The following ARMC9 variants were observed in gnomAD, a reference collection of about 807,000 sequenced individuals.
ARMC9 encodes armadillo repeat containing 9.
A neutral mutation model predicts 107.0 loss-of-function variants in ARMC9; 94 were observed. The observed-to-expected ratio is 0.88, with a 90% CI of 0.74 to 1.04. The LOEUF is 1.04. Ranked by LOEUF, ARMC9 falls within the 50% of genes least tolerant of loss-of-function variation. The pLI is 0.00. For synonymous variants in ARMC9, 380 were observed against 396.9 expected (o/e 0.96, Z 0.51); for missense variants, 942 against 1,030.1 (o/e 0.91, Z 1.17).
At chr2:231,312,533 C>G (rs1164328358) in intron 19 of ARMC9, among the ~76,000 whole-genome samples, 1 of 151,790 alleles carries the variant, frequency 6.6e-6, no homozygotes, top group Admixed American at 6.5e-5. Context: ...CAGGGAGATT[C>G]TTCTCCGAAC....
At chr2:231,217,567 C>CA (rs544667326) in intron 5 of ARMC9, among the ~76,000 whole-genome samples, 1,530 of 122,408 alleles carry the variant, frequency 0.012, 19 homozygotes, top group African/African-American at 0.027. Context: ...GACCTTGTCT[C>CA]AAAAAAAAAA....
At chr2:231,220,706 A>G (rs1345061219) in intron 5 of ARMC9, among the ~76,000 whole-genome samples, 1 of 152,060 alleles carries the variant, frequency 6.6e-6, no homozygotes, top group African/African-American at 2.4e-5. Flanking sequence ...CAGCTTGGAA[A>G]TGTTCTTATT....
At chr2:231,370,730 CTT>C (rs2045984611) in intron 24 of ARMC9, 1 of 199,170 alleles carries the variant, frequency 5.0e-6, no homozygotes, top group African/African-American at 2.4e-5. Context: ...ACTTCTTTGT[CTT>C]TCTCTGTCCC....
rs554491744 is a variant in ARMC9, at chr2:231,221,168, C to G, written c.505-1560C>G. Among the ~76,000 whole-genome samples the G allele has an allele frequency of 1.4e-4, 21 of 152,316 alleles. No individual in the cohort carries two copies. In the South Asian group the frequency reaches 4.1e-3, roughly 30 times the overall value. On this transcript the variant is annotated intron_variant, in intron 5 of 24. Coordinates refer to ENST00000611582, the MANE Select transcript of ARMC9 (RefSeq NM_001352754.2). ...CCCTGAATCCTAGGGGAGGATCCTTCCTTTCCCCTCCCAGCTTCTTGTAGC... is the reference window on the plus strand; with the variant it reads ...CCCTGAATCCTAGGGGAGGATCCTTGCTTTCCCCTCCCAGCTTCTTGTAGC...
At chr2:231,265,389 T>A (rs745508920) in intron 12 of ARMC9, among the ~76,000 whole-genome samples, 5 of 152,150 alleles carry the variant, frequency 3.3e-5, no homozygotes, top group Non-Finnish European at 7.4e-5. Flanking sequence ...ATGTAATATA[T>A]ATACAACATG....
rs184779929 is a variant in ARMC9, at chr2:231,238,934, G to T, written c.781-1009G>T. ...TTTCCAGCTCCCCAGGGGTGGAGTA[G>T]CCCTGCTTCCCACGCAGTCCTGGGG... On this transcript the variant is annotated intron_variant, in intron 8 of 24. Transcript: ENST00000611582. 1.8e-4 allele frequency among the ~76,000 whole-genome samples: 28 copies of T among 152,328 alleles called. No homozygotes were observed. The East Asian group carries it at 5.4e-3, about 29-fold the overall frequency.
At chr2:231,329,840 G>A (rs1451561612) in intron 19 of ARMC9, among the ~76,000 whole-genome samples, 1 of 152,028 alleles carries the variant, frequency 6.6e-6, no homozygotes, top group African/African-American at 2.4e-5. Context: ...TGTGTATGTG[G>A]TTTCTTTGTA....
intron 7 of ARMC9, among the ~76,000 whole-genome samples, chr2:231,232,956 T>G (rs2035375182): frequency 6.6e-6 from 1 of 152,170 alleles, no homozygotes; most frequent in African/African-American, 2.4e-5. Context: ...GTTCAAGCGA[T>G]TCTCCTGCCT....
chr2:231,251,470 A>G (rs908566450), intron 9 of ARMC9, among the ~76,000 whole-genome samples: 25 of 152,096 alleles, frequency 1.6e-4, no homozygotes, highest in African/African-American at 6.0e-4. Flanking sequence ...CGGCCTGGCC[A>G]CTCTTAACTA....
intron 1 of ARMC9, among the ~76,000 whole-genome samples, chr2:231,200,162 T>A (rs1269474108): frequency 1.3e-5 from 2 of 151,748 alleles, no homozygotes; most frequent in East Asian, 1.9e-4. Context: ...GAGGGAAGAG[T>A]GTTCTAGGCG....
intron 16 of ARMC9, among the ~76,000 whole-genome samples, chr2:231,281,449 A>G (rs2125452268): frequency 6.6e-6 from 1 of 152,282 alleles, no homozygotes; most frequent in African/African-American, 2.4e-5. Context: ...CACCCCTTGA[A>G]GATCCTGTGT....
In ARMC9 at chr2:231,373,500, A is replaced by G. The variant is rs2125603122; in HGVS notation, c.*1965A>G. 1 of 152,282 alleles carries G rather than the reference A, an allele frequency of 6.6e-6. No homozygotes were observed. The highest frequency in any genetic ancestry group is 1.9e-4 in the East Asian group (1 of 5,164). 9.4% of individuals were successfully genotyped at this position (152,282 alleles called of 1,614,324 possible). ...GAAGTCAACCACTACTTTTCCCTCA[A>G]GCCTACCAAAGAGCTAAAGTCTGAT... On this transcript the variant is annotated 3_prime_UTR_variant, in exon 25 of 25. Coordinates refer to ENST00000611582, the MANE Select transcript of ARMC9 (RefSeq NM_001352754.2). This position sits in a 1 kb window ranked among gnomAD's most constrained non-coding sequence, Gnocchi z 4.4.
At chr2:231,316,944 G>A (rs539440573) in intron 19 of ARMC9, among the ~76,000 whole-genome samples, 94 of 152,226 alleles carry the variant, frequency 6.2e-4, no homozygotes, top group Admixed American at 2.3e-3. Context: ...TGTATTTTTG[G>A]TAGAGATGGG....
chr2:231,349,477 G>A (rs1282594547), intron 21 of ARMC9, among the ~76,000 whole-genome samples: 2 of 151,948 alleles, frequency 1.3e-5, no homozygotes, highest in South Asian at 2.1e-4. Context: ...GGTTAATGGT[G>A]CCAAAAAAAC....
chr2:231,208,254 T>C lies in ARMC9; in HGVS notation c.177+2T>C. ...GACTCCAAATCATTGACAATTCAGGTAACATTTTGCTTATTTTTCATCCCT... is the reference window on the plus strand; with the variant it reads ...GACTCCAAATCATTGACAATTCAGGCAACATTTTGCTTATTTTTCATCCCT... On this transcript the variant is annotated splice_donor_variant, in intron 3 of 24. Coordinates refer to ENST00000611582, the MANE Select transcript of ARMC9 (RefSeq NM_001352754.2). LOFTEE classifies it high-confidence loss of function. 1 of 1,604,150 alleles carries C rather than the reference T, an allele frequency of 6.2e-7. No homozygotes were observed. Among genetic ancestry groups the C allele is most frequent in the Non-Finnish European group, 8.5e-7 (1 of 1,174,156 alleles).
Position 231,208,156 on chromosome 2 carries a change from C to T in ARMC9, c.81C>T (p.Thr27=), listed in dbSNP as rs772598803. 1.3e-6 allele frequency: 2 copies of T among 1,589,014 alleles called. No individual in the cohort carries two copies. The highest frequency in any genetic ancestry group is 1.1e-5 in the South Asian group (1 of 88,964). ...TAGATTTTGCTGAATTTGAAGACAC[C>T]TTGAAAACATTTTCAAAAGAATGCA... ...EYLDFAEFED[T]LKTFSKECKI... Residue 27 remains threonine (T), a synonymous_variant, in exon 3 of 25, where the codon ACC becomes ACT. Coordinates refer to ENST00000611582, the MANE Select transcript of ARMC9 (RefSeq NM_001352754.2).
intron 21 of ARMC9, among the ~76,000 whole-genome samples, chr2:231,349,698 T>C (rs2125586920): frequency 6.6e-6 from 1 of 152,112 alleles, no homozygotes; most frequent in East Asian, 1.9e-4. Flanking sequence ...GGAGAATCAC[T>C]TGAACCTGGG....
intron 6 of ARMC9, among the ~76,000 whole-genome samples, chr2:231,225,324 A>T (rs966816300): frequency 2.6e-5 from 4 of 152,366 alleles, no homozygotes; most frequent in South Asian, 4.1e-4. Flanking sequence ...GAATTGGTCC[A>T]GGCTGTACAC....
chr2:231,283,065 G>A (rs139382326), intron 17 of ARMC9, among the ~76,000 whole-genome samples: 1 of 152,154 alleles, frequency 6.6e-6, no homozygotes, highest in African/African-American at 2.4e-5. Flanking sequence ...AGGGATGGAG[G>A]GGGTGGGGAG....
Sources: gnomAD v4.1 joint callset for allele counts (sites outside exome capture counted in the v4.1 genomes callset) on GRCh38, gnomAD v4.1.1 for gene constraint, Gnocchi (gnomAD v3.1) non-coding constraint, MANE v1.5 for transcripts, NCBI Gene and HGNC (gene_info 2026-07-23, HGNC 2026-07-21) for gene names.